PSD3: variants seen among roughly 807,000 people sequenced by gnomAD.
The protein encoded by PSD3 is pleckstrin and Sec7 domain containing 3, also known as PH and SEC7 domain-containing protein 3.
Under a neutral mutation model 105.5 loss-of-function variants are expected in PSD3, and 49 were observed. That is an observed-to-expected ratio of 0.46 (90% CI 0.37 to 0.59). The LOEUF is 0.59. PSD3 is among the 20% of genes least tolerant of loss of function. The pLI, the probability that PSD3 is intolerant of heterozygous loss-of-function variation, is 0.00. For missense variants in PSD3, 1,561 were observed against 1,263.8 expected, an observed-to-expected ratio of 1.24 and a Z score of -3.57; for synonymous variants, 557 against 457.8, an observed-to-expected ratio of 1.22 and a Z score of -2.77.
In PSD3 at chr8:18,977,259, CAAAAAAAAA is replaced by C. The variant is rs36071554; in HGVS notation, c.21+36295_21+36303del. Among the ~76,000 whole-genome samples the C allele has an allele frequency of 3.5e-5, 4 of 113,180 alleles. No individual in the cohort carries two copies. In the Admixed American group the frequency reaches 3.9e-4, roughly 11 times the overall value. 74.3% of individuals were successfully genotyped at this position (113,180 alleles called of 152,430 possible). The stretch of plus-strand genomic sequence containing the variant: ...TGGGCAACAGAACAACACCCTATCT[CAAAAAAAAA>C]AAAAAAAAAAAATTGGGTTCTTGAG... On this transcript the variant is annotated intron_variant, in intron 1 of 15. Coordinates refer to ENST00000327040, the MANE Select transcript of PSD3 (RefSeq NM_015310.4).
chr8:18,696,415 G>C (rs574140955), intron 9 of PSD3, among the ~76,000 whole-genome samples: 1 of 152,340 alleles, frequency 6.6e-6, no homozygotes, highest in East Asian at 1.9e-4. Context: ...TTTCAGCTAA[G>C]ACAGGAGCTT....
intron 1 of PSD3, among the ~76,000 whole-genome samples, chr8:18,956,618 A>T (rs1307738200): frequency 6.6e-6 from 1 of 151,996 alleles, no homozygotes; most frequent in Non-Finnish European, 1.5e-5. Flanking sequence ...TACATTACCA[A>T]CCGAGTCTTG....
chr8:18,700,016 G>C (rs745632176), intron 9 of PSD3, among the ~76,000 whole-genome samples: 1 of 152,070 alleles, frequency 6.6e-6, no homozygotes, highest in East Asian at 1.9e-4. Context: ...AAAATTCCTG[G>C]GAAAAAATTG....
rs1363886192 is a variant in PSD3 at position 19,074,626 on chromosome 8, T to C, written c.324+9580A>G. ...ATATATATATATTTTTTTTTTTTTTTTTTTTTTTTTTTGAGATGGAGTCTC... is the reference window on the plus strand; with the variant it reads ...ATATATATATATTTTTTTTTTTTTTCTTTTTTTTTTTTGAGATGGAGTCTC... On this transcript the variant is annotated intron_variant, in intron 1 of 1. Transcript: ENST00000521475. Among the ~76,000 whole-genome samples the C allele has an allele frequency of 1.7e-5, 2 of 118,286 alleles. 1 individual carries two copies. Among genetic ancestry groups the C allele is most frequent in the East Asian group, 4.3e-4 (2 of 4,600 alleles). The allele number at this position is 118,286 out of a possible 152,430, so 77.6% of individuals were successfully genotyped here.
intron 9 of PSD3, among the ~76,000 whole-genome samples, chr8:18,669,284 T>A (rs566677458): frequency 2.6e-5 from 4 of 152,342 alleles, no homozygotes; most frequent in South Asian, 4.1e-4. Flanking sequence ...GTTCCAAGGC[T>A]CCCAGTGGAA....
rs562231371 is a variant in PSD3, at chr8:19,025,514, T to G, written c.324+58692A>C. Among the ~76,000 whole-genome samples the G allele has an allele frequency of 4.0e-4, 61 of 152,310 alleles. 1 individual carries two copies. Among genetic ancestry groups the G allele is most frequent in the Non-Finnish European group, 8.4e-4 (57 of 68,030 alleles). On this transcript the variant is annotated intron_variant, in intron 1 of 1. Coordinates refer to the PSD3 transcript ENST00000521475. ...ACGGTGTCCTTGAATTTCTTGATGG[T>G]GAATTCCTTGACTTGTCCAGGTGTC...
intron 8 of PSD3, among the ~76,000 whole-genome samples, chr8:18,766,645 A>C (rs948020495): frequency 2.0e-5 from 3 of 152,218 alleles, no homozygotes; most frequent in Non-Finnish European, 2.9e-5. Context: ...CACTACTTTC[A>C]AACTAACAAG....
At chr8:18,538,787 G>C (rs1225615809) in intron 15 of PSD3, among the ~76,000 whole-genome samples, 1 of 152,202 alleles carries the variant, frequency 6.6e-6, no homozygotes, top group Non-Finnish European at 1.5e-5. Context: ...TCATTTTACA[G>C]CTCCAGCTGC....
At chr8:18,923,016 T>C (rs1029192776) in intron 2 of PSD3, among the ~76,000 whole-genome samples, 4 of 152,244 alleles carry the variant, frequency 2.6e-5, no homozygotes, top group South Asian at 2.1e-4. Flanking sequence ...TCATTGGCTA[T>C]TGGTGATTTC....
intron 12 of PSD3, among the ~76,000 whole-genome samples, chr8:18,594,245 T>TATA (rs1431631629): frequency 1.8e-3 from 11 of 6,214 alleles, no homozygotes; most frequent in African/African-American, 4.2e-3. Flanking sequence ...TATATTATTA[T>TATA]ATATATTATA....
In PSD3 at chr8:18,872,558, A is replaced by C. The variant is rs1223372090; in HGVS notation, c.306T>G (p.Ser102=). 1 of 1,614,056 alleles carries C rather than the reference A, an allele frequency of 6.2e-7. No individual in the cohort carries two copies. Among genetic ancestry groups the C allele is most frequent in the Admixed American group, 1.7e-5 (1 of 60,010 alleles). ...QGVQPLTGCH[S]GLDSVTEGPK... is the part of the protein sequence containing the mutation. ...GTCCTTCTGTAACACTGTCGAGCCCAGAGTGGCAGCCAGTAAGAGGCTGGA... is the reference window on the plus strand; with the variant it reads ...GTCCTTCTGTAACACTGTCGAGCCCCGAGTGGCAGCCAGTAAGAGGCTGGA... Residue 102 remains serine, a synonymous_variant, in exon 3 of 16, where the codon TCT becomes TCG. Transcript: ENST00000327040.
intron 9 of PSD3, among the ~76,000 whole-genome samples, chr8:18,717,136 G>C (rs1282828464): frequency 6.6e-6 from 1 of 152,020 alleles, no homozygotes; most frequent in Non-Finnish European, 1.5e-5. Context: ...AGGTTTTTTT[G>C]TTCCCGTCTC....
intron 1 of PSD3, among the ~76,000 whole-genome samples, chr8:18,941,436 A>T (rs1259657453): frequency 1.3e-5 from 2 of 152,198 alleles, no homozygotes; most frequent in Non-Finnish European, 2.9e-5. Flanking sequence ...CGGGAGCAGT[A>T]ACATCTTTTC....
intron 2 of PSD3, among the ~76,000 whole-genome samples, chr8:18,927,926 A>G (rs966029681): frequency 6.6e-6 from 1 of 152,236 alleles, no homozygotes; most frequent in Admixed American, 6.5e-5. Flanking sequence ...ACTGTTGTGG[A>G]AAACAATTTA....
intron 4 of PSD3, among the ~76,000 whole-genome samples, chr8:18,851,078 C>G (rs1223634980): frequency 6.6e-6 from 1 of 152,180 alleles, no homozygotes; most frequent in Admixed American, 6.5e-5. Flanking sequence ...CAGTCTATCT[C>G]AACAGGTAAG....
chr8:19,003,327 C>T (rs557692923), intron 1 of PSD3, among the ~76,000 whole-genome samples: 11 of 151,856 alleles, frequency 7.2e-5, no homozygotes, highest in East Asian at 5.8e-4. Flanking sequence ...GCTATGATGG[C>T]GCCTGGGAGT....
chr8:18,572,024 T>G (rs911352448), intron 14 of PSD3, among the ~76,000 whole-genome samples: 2 of 152,220 alleles, frequency 1.3e-5, no homozygotes, highest in Admixed American at 1.3e-4. Flanking sequence ...CTGGTATACT[T>G]TATCTTCATT....
chr8:18,593,011 G>GT (rs1803729798), intron 12 of PSD3, among the ~76,000 whole-genome samples: 1 of 152,102 alleles, frequency 6.6e-6, no homozygotes, highest in Non-Finnish European at 1.5e-5. Context: ...ACCTAAAACC[G>GT]TAACAACCCT....
chr8:18,656,359 C>CT lies in PSD3; in HGVS notation c.2173-675dup, dbSNP rs34369920. On this transcript the variant is annotated intron_variant, in intron 9 of 15. Transcript: ENST00000327040. ...AGGCATGAGCCACTGTGTCTGGCTG[C>CT]TTTTTTTTTTTCGTTAATGAAAGAA... Among the ~76,000 whole-genome samples, 191 of 147,378 alleles carry CT rather than the reference C, an allele frequency of 1.3e-3. 1 individual carries two copies. The highest frequency in any genetic ancestry group is 7.6e-3 in the East Asian group (38 of 5,016).
Sources: gnomAD v4.1 joint callset for allele counts (sites outside exome capture counted in the v4.1 genomes callset) on GRCh38, gnomAD v4.1.1 for gene constraint, MANE v1.5 for transcripts, NCBI Gene and HGNC (gene_info 2026-07-23, HGNC 2026-07-21) for gene names.